WASF3: variants seen among roughly 807,000 people sequenced by gnomAD.
WASF3 encodes the protein actin-binding protein WASF3.
A neutral mutation model predicts 46.6 loss-of-function variants in WASF3; 11 were observed. The observed-to-expected ratio is 0.24, with a 90% CI of 0.15 to 0.39. The LOEUF is 0.39. WASF3 is among the 10% of genes least tolerant of loss of function. WASF3 has a pLI of 1.00. For synonymous variants in WASF3, 242 were observed against 259.7 expected (o/e 0.93, Z 0.65); for missense variants, 576 against 669.8 (o/e 0.86, Z 1.55).
chr13:26,573,543 G>A (rs1238496186), intron 1 of WASF3, among the ~76,000 whole-genome samples: 2 of 151,862 alleles, frequency 1.3e-5, no homozygotes. Context: ...CTGATGTATA[G>A]GTTCTCATTA....
chr13:26,591,888 A>AC (rs1880311461), intron 1 of WASF3, among the ~76,000 whole-genome samples: 1 of 151,812 alleles, frequency 6.6e-6, no homozygotes, highest in South Asian at 2.1e-4. Context: ...TTACTTGGTC[A>AC]CCCCTTAAGG....
At chr13:26,665,368 A>G (rs751979399) in intron 4 of WASF3, among the ~76,000 whole-genome samples, 1 of 152,226 alleles carries the variant, frequency 6.6e-6, no homozygotes, top group Non-Finnish European at 1.5e-5. Flanking sequence ...TCATAACTCT[A>G]TACTCTTTTT....
intron 1 of WASF3, among the ~76,000 whole-genome samples, chr13:26,575,392 G>A (rs762026325): frequency 6.6e-6 from 1 of 151,752 alleles, no homozygotes; most frequent in Non-Finnish European, 1.5e-5. Context: ...TGCTTACTTT[G>A]TGACCAGTCC....
intron 2 of WASF3, among the ~76,000 whole-genome samples, chr13:26,618,187 TA>T (rs969834379): frequency 6.6e-6 from 1 of 152,182 alleles, no homozygotes; most frequent in South Asian, 2.1e-4. Context: ...TCCTTTTTGT[TA>T]AAAAAATTAA....
intron 2 of WASF3, among the ~76,000 whole-genome samples, chr13:26,623,229 T>C (rs1316430790): frequency 1.3e-5 from 2 of 152,192 alleles, no homozygotes; most frequent in Non-Finnish European, 2.9e-5. Context: ...CACTGGGTAC[T>C]CTTAAGAAAG....
At chr13:26,655,384 C>T (rs776694318) in intron 3 of WASF3, among the ~76,000 whole-genome samples, 6 of 152,234 alleles carry the variant, frequency 3.9e-5, no homozygotes, top group East Asian at 1.9e-4. Flanking sequence ...CTCCCCTGTG[C>T]GTTTCATTAG....
At chr13:26,545,870 C>T in the WASF3 span, among the ~76,000 whole-genome samples, 1 of 152,214 alleles carries the variant, frequency 6.6e-6, no homozygotes, top group African/African-American at 2.4e-5. Context: ...TCCCAAAGTG[C>T]TGAGATTACG....
chr13:26,677,843 C>CTGAT (rs1461043688), intron 7 of WASF3, among the ~76,000 whole-genome samples: 2 of 152,128 alleles, frequency 1.3e-5, no homozygotes, highest in African/African-American at 4.8e-5. Flanking sequence ...TGATGTCAAT[C>CTGAT]TGCTTTTTTG....
At chr13:26,678,923 C>A (rs1883144624) in intron 7 of WASF3, among the ~76,000 whole-genome samples, 1 of 152,216 alleles carries the variant, frequency 6.6e-6, no homozygotes, top group Non-Finnish European at 1.5e-5. Flanking sequence ...CTACTTCCTC[C>A]CGTGTGGTGT....
intron 2 of WASF3, among the ~76,000 whole-genome samples, chr13:26,615,594 A>G (rs757770807): frequency 6.6e-5 from 10 of 152,222 alleles, no homozygotes; most frequent in Non-Finnish European, 1.0e-4. Flanking sequence ...AGTGTGAGCC[A>G]CTGTGCCCAG....
rs2137506540 is a variant in WASF3 at position 26,679,785 on chromosome 13, A to G, written c.717-1269A>G. 1.3e-5 allele frequency among the ~76,000 whole-genome samples: 2 copies of G among 152,354 alleles called. No homozygotes were observed. The highest frequency in any genetic ancestry group is 3.4e-3 in the Middle Eastern group (1 of 294). On this transcript the variant is annotated intron_variant, in intron 7 of 9. Coordinates refer to ENST00000335327, the MANE Select transcript of WASF3 (RefSeq NM_006646.6). The surrounding 1 kb of genome is among the most constrained non-coding windows in gnomAD (Gnocchi z 4.8). The stretch of plus-strand genomic sequence containing the variant: ...CTCACCTAGTTCAAAAGACATAATC[A>G]GAAGTGCACCATAATCCAGAATTCA...
At chr13:26,549,960 C>T in the WASF3 span, among the ~76,000 whole-genome samples, 8 of 152,212 alleles carry the variant, frequency 5.3e-5, no homozygotes, top group African/African-American at 1.9e-4. Flanking sequence ...AAAAGCCAAT[C>T]TTAGGCAACT....
chr13:26,542,737 A>G, the WASF3 span, among the ~76,000 whole-genome samples: 2 of 152,220 alleles, frequency 1.3e-5, no homozygotes, highest in South Asian at 2.1e-4. Context: ...CCCCTAACAC[A>G]TTTTATCTGG....
chr13:26,641,733 A>AT (rs1882001954), intron 2 of WASF3, among the ~76,000 whole-genome samples: 1 of 152,162 alleles, frequency 6.6e-6, no homozygotes, highest in South Asian at 2.1e-4. Context: ...TAGTTTTTTA[A>AT]TACTACCTGG....
intron 1 of WASF3, among the ~76,000 whole-genome samples, chr13:26,564,881 T>G (rs1239324255): frequency 6.6e-6 from 1 of 151,146 alleles, no homozygotes; most frequent in African/African-American, 2.4e-5. Context: ...TCTCAAAATA[T>G]GTACATGACA....
At chr13:26,640,128 A>C (rs1881951625) in intron 2 of WASF3, among the ~76,000 whole-genome samples, 1 of 152,118 alleles carries the variant, frequency 6.6e-6, no homozygotes, top group Non-Finnish European at 1.5e-5. Context: ...TATTGGAATT[A>C]GTAACCTTGG....
chr13:26,687,784 T>C lies in WASF3; in HGVS notation c.*1939T>C, dbSNP rs1883457939. The C allele has an allele frequency of 6.6e-6, 1 of 151,834 alleles. No individual in the cohort carries two copies. The highest frequency in any genetic ancestry group is 1.5e-5 in the Non-Finnish European group (1 of 67,986). 9.4% of individuals were successfully genotyped at this position (151,834 alleles called of 1,614,324 possible). ...CTACATTGGCGCTATTCTTAGGACT[T>C]CTGCAACTTTTAAAGTCTTACTTGT... On this transcript the variant is annotated 3_prime_UTR_variant, in exon 10 of 10. Coordinates refer to ENST00000335327, the MANE Select transcript of WASF3 (RefSeq NM_006646.6).
upstream of WASF3, among the ~76,000 whole-genome samples, chr13:26,555,615 C>G (rs685833): frequency 0.99 from 150,410 of 152,210 alleles, 74,340 homozygotes; most frequent in East Asian, 1. Flanking sequence ...CCATTTTCCT[C>G]AATGTGATGC....
chr13:26,591,839 G>T (rs1052445021), intron 1 of WASF3, among the ~76,000 whole-genome samples: 5 of 152,094 alleles, frequency 3.3e-5, no homozygotes, highest in African/African-American at 7.2e-5. Context: ...GGTTCTTGAG[G>T]TCGGGGATGC....
Sources: gnomAD v4.1 joint callset for allele counts (sites outside exome capture counted in the v4.1 genomes callset) on GRCh38, gnomAD v4.1.1 for gene constraint, Gnocchi (gnomAD v3.1) non-coding constraint, MANE v1.5 for transcripts, NCBI Gene and HGNC (gene_info 2026-07-23, HGNC 2026-07-21) for gene names.